Variants in RELN observed in about 807,000 individuals in gnomAD.
The protein encoded by RELN is reelin.
A neutral mutation model predicts 427.6 loss-of-function variants in RELN; 108 were observed. The observed-to-expected ratio is 0.25, with a 90% confidence interval of 0.22 to 0.30. RELN has a LOEUF of 0.30. Among genes scored for constraint, RELN ranks in the 10% least tolerant of loss-of-function variants. RELN has a pLI of 1.00. For missense variants in RELN, 3,715 were observed against 4,302.8 expected (o/e 0.86, Z 3.82); for synonymous variants, 1,524 against 1,513.4 (o/e 1.01, Z -0.16).
intron 2 of RELN, among the ~76,000 whole-genome samples, chr7:103,881,267 C>G (rs1794600704): frequency 6.6e-6 from 1 of 152,170 alleles, no homozygotes; most frequent in South Asian, 2.1e-4. Flanking sequence ...CTTTCTTTAT[C>G]TCATTACAGC....
At chr7:103,979,919 T>C (rs1796956615) in intron 1 of RELN, among the ~76,000 whole-genome samples, 1 of 152,210 alleles carries the variant, frequency 6.6e-6, no homozygotes, top group South Asian at 2.1e-4. Context: ...CCCAGCACTT[T>C]GGGAGGCCGA....
chr7:103,648,826 G>T (rs1832850488), intron 16 of RELN, among the ~76,000 whole-genome samples: 4 of 151,782 alleles, frequency 2.6e-5, no homozygotes, highest in African/African-American at 9.7e-5. Flanking sequence ...TGACCAACAG[G>T]TATATAAAAT....
At position 103,519,525 on chromosome 7, in the gene RELN, A is replaced by C. The variant is rs1168667851; in HGVS notation, c.7669-9T>G. ...AATAATCGACTACAACCCTAAGAAAAAGAAGTAAAATAAAAAAAAGTGATA... is the reference window on the plus strand; with the variant it reads ...AATAATCGACTACAACCCTAAGAAACAGAAGTAAAATAAAAAAAAGTGATA... On this transcript the variant is annotated splice_polypyrimidine_tract_variant and intron_variant, in intron 48 of 64. Coordinates refer to ENST00000428762, the MANE Select transcript of RELN (RefSeq NM_005045.4). The C allele has an allele frequency of 6.3e-7, 1 of 1,592,988 alleles. No homozygotes were observed. Among genetic ancestry groups the C allele is most frequent in the African/African-American group, 1.3e-5 (1 of 74,546 alleles).
intron 2 of RELN, among the ~76,000 whole-genome samples, chr7:103,897,102 T>C (rs567799812): frequency 6.8e-4 from 103 of 152,048 alleles, no homozygotes; most frequent in African/African-American, 2.4e-3. Context: ...AAGAACAGCA[T>C]AGAAAAAACC....
At chr7:103,586,698 A>T (rs894917371) in intron 28 of RELN, among the ~76,000 whole-genome samples, 3 of 152,252 alleles carry the variant, frequency 2.0e-5, no homozygotes, top group African/African-American at 7.2e-5. Context: ...TTAAGGACAC[A>T]AAATAAACGT....
intron 6 of RELN, among the ~76,000 whole-genome samples, chr7:103,741,458 T>C (rs550146703): frequency 6.6e-6 from 1 of 152,020 alleles, no homozygotes; most frequent in Non-Finnish European, 1.5e-5. Context: ...TTAAATAAAT[T>C]AGCTTAAGAT....
At chr7:103,535,257 A>G (rs1381128893) in intron 46 of RELN, 59 bp downstream of exon 46, 2 of 1,522,742 alleles carry the variant, frequency 1.3e-6, no homozygotes, top group Admixed American at 1.7e-5. Context: ...GCCAAATGTT[A>G]TCACATTTGG....
At chr7:103,938,090 G>C (rs1275105602) in intron 1 of RELN, among the ~76,000 whole-genome samples, 2 of 152,290 alleles carry the variant, frequency 1.3e-5, no homozygotes, top group Non-Finnish European at 2.9e-5. Flanking sequence ...GGAGGCCAAG[G>C]TGGTCACATC....
At position 103,589,606 on chromosome 7, in the gene RELN, G is replaced by A. The variant is rs1295939107; in HGVS notation, c.4135C>T (p.Leu1379Phe). 14 of 1,610,828 alleles carry A rather than the reference G, an allele frequency of 8.7e-6. 1 individual carries two copies. The South Asian group carries it at 1.5e-4, about 18-fold the overall frequency. The change falls in exon 28 of 65, where the codon CTT (leucine) becomes TTT (phenylalanine). Residue 1379 changes from leucine (L) to phenylalanine (F), a missense_variant. Physicochemically the swap from Leu to Phe is conservative, Grantham distance 22 (BLOSUM62 0). Transcript: ENST00000428762. Reference protein sequence around the residue: ...TRITIVIPRSLASSKTRFRWI... With the variant: ...TRITIVIPRSFASSKTRFRWI... ...GAATGATTACTTTACCTGGATGCAA[G>A]AGACCTTGGAATAACAATGGTGATT... is the stretch of plus-strand genomic sequence containing the variant.
rs1830774639 is a variant in RELN at position 103,567,266 on chromosome 7, C to G, written c.4589-507G>C. Among the ~76,000 whole-genome samples, 3 of 152,152 alleles carry G rather than the reference C, an allele frequency of 2.0e-5. No homozygotes were observed. The South Asian group carries it at 6.2e-4, about 32-fold the overall frequency. ...TTTGTCAGATCTTGGTCAGTGAAGC[C>G]TAAGTGAAATCAAATTATTAAGTGG... On this transcript the variant is annotated intron_variant, in intron 31 of 64. Coordinates refer to ENST00000428762, the MANE Select transcript of RELN (RefSeq NM_005045.4).
Position 103,494,188 on chromosome 7 carries a change from C to A in RELN, c.9369+1535G>T, listed in dbSNP as rs148778308. Among the ~76,000 whole-genome samples, 484 of 152,144 alleles carry A rather than the reference C, an allele frequency of 3.2e-3. 4 individuals are homozygous for A. The highest frequency in any genetic ancestry group is 5.2e-3 in the Non-Finnish European group (356 of 68,004). ...GTAGCATTTGGGGAGCTTGCCTTAC[C>A]CTCCAGTCCCCAAAGGAGAGTTTAA... On this transcript the variant is annotated intron_variant, in intron 57 of 64. Coordinates refer to ENST00000428762, the MANE Select transcript of RELN (RefSeq NM_005045.4).
At chr7:103,747,906 G>A (rs565603262) in intron 6 of RELN, among the ~76,000 whole-genome samples, 8 of 151,454 alleles carry the variant, frequency 5.3e-5, no homozygotes, top group Admixed American at 1.3e-4. Flanking sequence ...GAAAATGGGC[G>A]AAGAAAAATC....
chr7:103,907,546 C>A (rs1440615585), intron 2 of RELN, among the ~76,000 whole-genome samples: 1 of 148,970 alleles, frequency 6.7e-6, no homozygotes, highest in African/African-American at 2.5e-5. Context: ...GGCCTAGGGG[C>A]TGAGGGGAGA....
intron 10 of RELN, among the ~76,000 whole-genome samples, chr7:103,687,963 T>C (rs192322364): frequency 2.0e-5 from 3 of 152,230 alleles, no homozygotes. Context: ...TGGGGGGAAT[T>C]GTGAAAAGCA....
intron 11 of RELN, among the ~76,000 whole-genome samples, chr7:103,667,432 G>C (rs1833294827): frequency 6.6e-6 from 1 of 151,836 alleles, no homozygotes; most frequent in Non-Finnish European, 1.5e-5. Flanking sequence ...AAATATCCTT[G>C]GTGACTTTAT....
intron 2 of RELN, among the ~76,000 whole-genome samples, chr7:103,847,163 C>G (rs1275534271): frequency 6.6e-6 from 1 of 152,132 alleles, no homozygotes; most frequent in Non-Finnish European, 1.5e-5. Context: ...AGCCTCGGAA[C>G]CAACCCAAAT....
At chr7:103,681,820 T>C (rs184417587) in intron 11 of RELN, among the ~76,000 whole-genome samples, 1 of 152,264 alleles carries the variant, frequency 6.6e-6, no homozygotes, top group Non-Finnish European at 1.5e-5. Flanking sequence ...TTGTATTCTA[T>C]AAACATTGGG....
chr7:103,879,733 G>A (rs1794563418), intron 2 of RELN, among the ~76,000 whole-genome samples: 1 of 152,124 alleles, frequency 6.6e-6, no homozygotes. Flanking sequence ...GGATAACTCA[G>A]TGTTTTCTAA....
chr7:103,858,694 C>T (rs1794003285), intron 2 of RELN, among the ~76,000 whole-genome samples: 2 of 152,164 alleles, frequency 1.3e-5, no homozygotes, highest in African/African-American at 2.4e-5. Context: ...CTGTACATCC[C>T]TATTTCATCA....
Sources: gnomAD v4.1 joint callset for allele counts (sites outside exome capture counted in the v4.1 genomes callset) on GRCh38, gnomAD v4.1.1 for gene constraint, MANE v1.5 for transcripts, NCBI Gene and HGNC (gene_info 2026-07-23, HGNC 2026-07-21) for gene names.